Variants in TMEM117 observed in about 807,000 individuals in gnomAD.
The protein encoded by TMEM117 is transmembrane protein 117.
TMEM117 carries 27 observed loss-of-function variants against 52.4 expected under a neutral mutation model. The observed-to-expected ratio is 0.51, with a 90% CI of 0.38 to 0.71. The LOEUF is 0.71. Ranked by LOEUF, TMEM117 falls within the 30% of genes least tolerant of loss-of-function variation. The pLI is 0.00. For missense variants in TMEM117, 556 were observed against 630.5 expected (o/e 0.88, Z 1.26); for synonymous variants, 215 against 206.3 (o/e 1.04, Z -0.36).
chr12:44,326,112 A>C (rs1445883418), intron 6 of TMEM117, among the ~76,000 whole-genome samples: 2 of 152,096 alleles, frequency 1.3e-5, no homozygotes, highest in East Asian at 1.9e-4. Flanking sequence ...GCAGTGAGCC[A>C]AAATCCTGCC....
intron 2 of TMEM117, among the ~76,000 whole-genome samples, chr12:43,862,911 G>A (rs934499542): frequency 6.6e-6 from 1 of 152,276 alleles, no homozygotes; most frequent in African/African-American, 2.4e-5. Flanking sequence ...AGGTTGCAGT[G>A]AGCTGAGATT....
chr12:44,213,216 G>A (rs940560158), intron 5 of TMEM117, among the ~76,000 whole-genome samples: 1 of 152,120 alleles, frequency 6.6e-6, no homozygotes, highest in Admixed American at 6.6e-5. Context: ...AATCCCATAA[G>A]ATAGGTGCTA....
At chr12:44,317,817 C>T (rs1951077365) in intron 6 of TMEM117, among the ~76,000 whole-genome samples, 1 of 152,210 alleles carries the variant, frequency 6.6e-6, no homozygotes, top group Non-Finnish European at 1.5e-5. Context: ...TCTGATGCTG[C>T]AGGCAATGGG....
intron 3 of TMEM117, among the ~76,000 whole-genome samples, chr12:44,078,427 A>G (rs1947417559): frequency 6.6e-6 from 1 of 152,220 alleles, no homozygotes; most frequent in Admixed American, 6.5e-5. Context: ...CCAGCTGGAT[A>G]CAGCATTTCG....
At chr12:44,030,739 T>C (rs1946620461) in intron 3 of TMEM117, among the ~76,000 whole-genome samples, 1 of 152,100 alleles carries the variant, frequency 6.6e-6, no homozygotes, top group Non-Finnish European at 1.5e-5. Flanking sequence ...GGTCTGATTT[T>C]CCCCCCAAAA....
intron 5 of TMEM117, among the ~76,000 whole-genome samples, chr12:44,245,730 C>T (rs573263000): frequency 4.6e-5 from 7 of 151,872 alleles, no homozygotes; most frequent in African/African-American, 1.7e-4. Context: ...GAGCAACTAA[C>T]AAAATGCTGC....
intron 3 of TMEM117, among the ~76,000 whole-genome samples, chr12:44,140,780 T>C (rs1486962828): frequency 1.3e-5 from 2 of 152,098 alleles, no homozygotes; most frequent in Admixed American, 1.3e-4. Flanking sequence ...CTGTATTCTC[T>C]TGGACCACAT....
chr12:44,395,330 C>T, the TMEM117 span, among the ~76,000 whole-genome samples: 2 of 152,332 alleles, frequency 1.3e-5, no homozygotes, highest in Admixed American at 6.5e-5. Context: ...AATTGGTCCA[C>T]TATCCTATTC....
At chr12:44,031,970 T>G (rs1946639860) in intron 3 of TMEM117, among the ~76,000 whole-genome samples, 1 of 152,186 alleles carries the variant, frequency 6.6e-6, no homozygotes, top group South Asian at 2.1e-4. Flanking sequence ...TCTCCACAGT[T>G]CCTGTACAGG....
At chr12:43,856,520 C>G (rs1231183356) in intron 2 of TMEM117, among the ~76,000 whole-genome samples, 1 of 152,162 alleles carries the variant, frequency 6.6e-6, no homozygotes, top group Non-Finnish European at 1.5e-5. Flanking sequence ...CCCTCATACC[C>G]CATCACAATC....
intron 3 of TMEM117, among the ~76,000 whole-genome samples, chr12:43,985,187 A>T (rs1226827729): frequency 1.3e-5 from 2 of 152,142 alleles, no homozygotes; most frequent in African/African-American, 4.8e-5. Context: ...GATTTTTTTT[A>T]AAGCCGTTAT....
intron 3 of TMEM117, among the ~76,000 whole-genome samples, chr12:44,090,446 ATTTATTTT>A (rs1393857225): frequency 1.5e-5 from 2 of 135,814 alleles, no homozygotes; most frequent in Non-Finnish European, 3.1e-5. Flanking sequence ...TTATTTATTT[ATTTATTTT>A]GAGACTGAGT....
chr12:44,275,709 A>G (rs1399850491), intron 5 of TMEM117, among the ~76,000 whole-genome samples: 2 of 152,068 alleles, frequency 1.3e-5, no homozygotes, highest in Admixed American at 1.3e-4. Context: ...AAATAAGAAC[A>G]TCGCATGTTT....
At chr12:44,213,840 T>C (rs544383413) in intron 5 of TMEM117, among the ~76,000 whole-genome samples, 1 of 152,318 alleles carries the variant, frequency 6.6e-6, no homozygotes, top group Admixed American at 6.5e-5. Context: ...CATTTAAACC[T>C]CTTTTCTTTA....
intron 3 of TMEM117, among the ~76,000 whole-genome samples, chr12:44,004,791 T>C (rs1946168410): frequency 6.6e-6 from 1 of 152,142 alleles, no homozygotes; most frequent in Non-Finnish European, 1.5e-5. Flanking sequence ...TTCTAGTATA[T>C]TTTTGTTTTG....
intron 2 of TMEM117, among the ~76,000 whole-genome samples, chr12:43,851,859 G>A (rs115086783): frequency 6.6e-4 from 101 of 152,316 alleles, no homozygotes; most frequent in African/African-American, 2.3e-3. Flanking sequence ...GCACCAAATT[G>A]TAGAACTTCC....
chr12:43,808,892 C>T, the TMEM117 span, among the ~76,000 whole-genome samples: 3 of 150,914 alleles, frequency 2.0e-5, no homozygotes, highest in African/African-American at 2.4e-5. Flanking sequence ...GGAATTCAAG[C>T]GCAAGGTGAC....
At chr12:44,110,289 T>C (rs1352364165) in intron 3 of TMEM117, among the ~76,000 whole-genome samples, 1 of 149,164 alleles carries the variant, frequency 6.7e-6, no homozygotes, top group African/African-American at 2.5e-5. Context: ...GTGCCAGTTT[T>C]CAAAGGGAAT....
chr12:44,313,468 T>C (rs1951016527), intron 6 of TMEM117, among the ~76,000 whole-genome samples: 1 of 152,336 alleles, frequency 6.6e-6, no homozygotes, highest in Middle Eastern at 3.4e-3. Flanking sequence ...TTATTCTGTC[T>C]GTCTGTTTTT....
Sources: allele counts gnomAD v4.1 joint callset (sites outside exome capture counted in the v4.1 genomes callset), GRCh38; gene constraint gnomAD v4.1.1; transcripts MANE v1.5; gene names NCBI Gene and HGNC (gene_info 2026-07-23, HGNC 2026-07-21).